The following ADAMTSL3 variants were observed in gnomAD, a reference collection of about 807,000 sequenced individuals.
ADAMTSL3 encodes the protein ADAMTS-like protein 3.
Under a neutral mutation model 201.7 loss-of-function variants are expected in ADAMTSL3, and 128 were observed. That is an observed-to-expected ratio of 0.63 (90% CI 0.55 to 0.73). The LOEUF (loss-of-function observed/expected upper bound fraction) is 0.73. Ranked by LOEUF, ADAMTSL3 falls within the 30% of genes least tolerant of loss-of-function variation. The pLI is 0.00. For synonymous variants in ADAMTSL3, 738 were observed against 748.4 expected, an observed-to-expected ratio of 0.99 and a Z score of 0.23; for missense variants, 1,990 against 2,119.6, an observed-to-expected ratio of 0.94 and a Z score of 1.20.
At chr15:83,677,499 G>T (rs1164983007) in intron 2 of ADAMTSL3, among the ~76,000 whole-genome samples, 1 of 151,796 alleles carries the variant, frequency 6.6e-6, no homozygotes, top group Non-Finnish European at 1.5e-5. Flanking sequence ...CTTCTTGGTG[G>T]TAGAACTTTG....
At chr15:83,960,667 G>A (rs897635872) in intron 19 of ADAMTSL3, among the ~76,000 whole-genome samples, 2 of 152,214 alleles carry the variant, frequency 1.3e-5, no homozygotes, top group African/African-American at 4.8e-5. Context: ...TTATTACACA[G>A]TAAGCCAGTT....
At chr15:83,902,831 C>T (rs186025671) in intron 15 of ADAMTSL3, among the ~76,000 whole-genome samples, 1 of 152,222 alleles carries the variant, frequency 6.6e-6, no homozygotes, top group African/African-American at 2.4e-5. Context: ...AGTGGCCCCA[C>T]CTGTTAAGTC....
At chr15:83,819,589 A>T (rs1178261610) in intron 5 of ADAMTSL3, among the ~76,000 whole-genome samples, 1 of 151,414 alleles carries the variant, frequency 6.6e-6, no homozygotes, top group East Asian at 1.9e-4. Context: ...CAGAATAATG[A>T]GATAATCTCC....
chr15:83,982,770 G>A lies in ADAMTSL3; in HGVS notation c.3142G>A (p.Asp1048Asn). 6.2e-7 allele frequency: 1 copy of A among 1,614,050 alleles called. No individual in the cohort carries two copies. Among genetic ancestry groups the A allele is most frequent in the Non-Finnish European group, 8.5e-7 (1 of 1,180,044 alleles). ...NNKNDLYLDD[D>N]HISNQPFLRA... The stretch of plus-strand genomic sequence containing the variant: ...CAAAAATGACCTTTATCTGGATGAT[G>A]ACCACATTAGTAACCAGCCTTTCTT... Residue 1048 changes from aspartate (D) to asparagine (N), a missense_variant, in exon 21 of 30, where the codon GAC becomes AAC. Coordinates refer to ENST00000286744, the MANE Select transcript of ADAMTSL3 (RefSeq NM_207517.3).
In ADAMTSL3 at chr15:83,940,921, G is replaced by A. The variant is rs576414809; in HGVS notation, c.2118-1675G>A. On this transcript the variant is annotated intron_variant, in intron 17 of 29. Coordinates refer to ENST00000286744, the MANE Select transcript of ADAMTSL3 (RefSeq NM_207517.3). ...TTGACCACAAAACTAGTGAGGTCCA[G>A]TCCCTTTCTTGAATGGAACTTTTGT... Among the ~76,000 whole-genome samples the A allele has an allele frequency of 2.6e-5, 4 of 152,170 alleles. No homozygotes were observed. The East Asian group carries it at 7.7e-4, about 29-fold the overall frequency.
At chr15:83,970,199 T>G (rs1206172841) in intron 19 of ADAMTSL3, among the ~76,000 whole-genome samples, 1 of 147,816 alleles carries the variant, frequency 6.8e-6, no homozygotes, top group Non-Finnish European at 1.5e-5. Flanking sequence ...AATTACTATC[T>G]CCAAAAGAAA....
chr15:83,722,871 G>T (rs775893720), intron 3 of ADAMTSL3, among the ~76,000 whole-genome samples: 10 of 151,998 alleles, frequency 6.6e-5, no homozygotes, highest in Non-Finnish European at 1.3e-4. Flanking sequence ...CAGATGGATT[G>T]AAGAGTTAAA....
intron 2 of ADAMTSL3, among the ~76,000 whole-genome samples, chr15:83,684,966 A>G (rs1444683639): frequency 6.6e-6 from 1 of 152,242 alleles, no homozygotes; most frequent in Non-Finnish European, 1.5e-5. Flanking sequence ...TAACTGAACA[A>G]TTAAGAATCC....
chr15:83,892,916 A>G, intron 13 of ADAMTSL3, 28 bp downstream of exon 13: 1 of 1,588,486 alleles, frequency 6.3e-7, no homozygotes, highest in South Asian at 1.1e-5. Flanking sequence ...GCCACTTTTA[A>G]TTAATTCTCA....
intron 8 of ADAMTSL3, among the ~76,000 whole-genome samples, chr15:83,860,160 T>C (rs898686310): frequency 2.0e-5 from 3 of 152,136 alleles, no homozygotes; most frequent in African/African-American, 7.2e-5. Flanking sequence ...GAGCTCTGAT[T>C]GCACCACTGC....
intron 15 of ADAMTSL3, among the ~76,000 whole-genome samples, chr15:83,903,788 C>T (rs1596381428): frequency 6.6e-6 from 1 of 150,814 alleles, no homozygotes; most frequent in Non-Finnish European, 1.5e-5. Context: ...TGTGGTGGTA[C>T]ATGCTTGTAG....
At chr15:83,911,404 G>A (rs11259933) in intron 15 of ADAMTSL3, among the ~76,000 whole-genome samples, 95,421 of 152,108 alleles carry the variant, frequency 0.63, 31,024 homozygotes, top group African/African-American at 0.79. Context: ...ACTGTTATCA[G>A]TTCATACCTA....
chr15:83,828,070 A>T (rs1002660576), intron 6 of ADAMTSL3, among the ~76,000 whole-genome samples: 4 of 152,138 alleles, frequency 2.6e-5, no homozygotes, highest in Non-Finnish European at 4.4e-5. Context: ...TGTGAAGAAG[A>T]TTGGTGGCTT....
chr15:83,819,668 A>C (rs1323266322), intron 5 of ADAMTSL3, 143 bp from the exon 6 acceptor site: 1 of 622,894 alleles, frequency 1.6e-6, no homozygotes, highest in Non-Finnish European at 2.8e-6. Flanking sequence ...AATCAAAAAA[A>C]AAAAAAAAAA....
chr15:84,013,801 A>G (rs751947467), intron 23 of ADAMTSL3, among the ~76,000 whole-genome samples: 1 of 152,176 alleles, frequency 6.6e-6, no homozygotes, highest in African/African-American at 2.4e-5. Flanking sequence ...AAGAAGAACC[A>G]AATGAAATTT....
intron 3 of ADAMTSL3, among the ~76,000 whole-genome samples, chr15:83,735,559 CGTTTTAAGT>C (rs1567108661): frequency 3.5e-5 from 5 of 143,018 alleles, no homozygotes; most frequent in Admixed American, 7.6e-5. Context: ...TGAAGAATTT[CGTTTTAAGT>C]ATTTATAAGG....
intron 28 of ADAMTSL3, among the ~76,000 whole-genome samples, chr15:84,032,312 A>G (rs934843367): frequency 3.7e-4 from 56 of 152,186 alleles, no homozygotes; most frequent in South Asian, 2.9e-3. Context: ...AAATGAGATG[A>G]CCTTGACAGT....
At chr15:84,020,650 A>G (rs2068185676) in intron 25 of ADAMTSL3, among the ~76,000 whole-genome samples, 1 of 152,258 alleles carries the variant, frequency 6.6e-6, no homozygotes, top group African/African-American at 2.4e-5. Context: ...ACTTGTAATT[A>G]TTACAGGAAA....
Position 83,892,821 on chromosome 15 carries a change from A to G in ADAMTSL3, c.1400A>G (p.Lys467Arg). The G allele has an allele frequency of 1.2e-6, 2 of 1,614,120 alleles. No homozygotes were observed. Among genetic ancestry groups the G allele is most frequent in the South Asian group, 2.2e-5 (2 of 91,072 alleles). The change falls in exon 13 of 30, where the codon AAA becomes AGA. Residue 467 changes from lysine (K) to arginine (R), a missense_variant. By Grantham distance (26) the Lys-to-Arg change is conservative. Transcript: ENST00000286744. ...VEEWKCMYAP[K>R]PKVMQTCNLF... The stretch of plus-strand genomic sequence containing the variant: ...GAATGGAAGTGCATGTACGCACCCA[A>G]ACCCAAGGTTATGCAAACTTGTAAT...
Sources: allele counts gnomAD v4.1 joint callset (sites outside exome capture counted in the v4.1 genomes callset), GRCh38; gene constraint gnomAD v4.1.1; transcripts MANE v1.5; gene names NCBI Gene and HGNC (gene_info 2026-07-23, HGNC 2026-07-21).